Variants in WIPF1 observed in about 807,000 individuals in gnomAD.
WIPF1 encodes the protein WAS/WASL interacting protein family member 1.
In WIPF1, 13 loss-of-function variants were observed where a neutral mutation model predicts 35.4. The ratio of observed to expected loss-of-function variants is 0.37; its 90% CI spans 0.24 to 0.58. The LOEUF is 0.58. WIPF1 is among the 20% of genes least tolerant of loss of function. The pLI is 0.74. For missense variants in WIPF1, 591 were observed against 667.0 expected (o/e 0.89, Z 1.25); for synonymous variants, 267 against 266.3 (o/e 1.00, Z -0.02).
At chr2:174,569,730 C>T (rs767749267) in intron 5 of WIPF1, among the ~76,000 whole-genome samples, 2 of 152,148 alleles carry the variant, frequency 1.3e-5, no homozygotes, top group African/African-American at 2.4e-5. Flanking sequence ...CTTATAACAA[C>T]TCTGAGAGGT....
At chr2:174,591,673 T>TACACAC (rs71407131) in intron 1 of WIPF1, among the ~76,000 whole-genome samples, 41,629 of 146,570 alleles carry the variant, frequency 0.28, 5,978 homozygotes, top group Non-Finnish European at 0.34. Flanking sequence ...CTTTGTTGCT[T>TACACAC]ACACACACAC....
At chr2:174,573,203 G>T (rs767109212) in intron 4 of WIPF1, among the ~76,000 whole-genome samples, 2 of 151,286 alleles carry the variant, frequency 1.3e-5, no homozygotes, top group Non-Finnish European at 2.9e-5. Context: ...AGAAACTAAA[G>T]GGGGAACCAA....
rs1559145336 is a variant in WIPF1 at position 174,567,966 on chromosome 2, C to T, written c.1237G>A (p.Gly413Arg). 6.2e-7 allele frequency: 1 copy of T among 1,614,126 alleles called. No homozygotes were observed. The highest frequency in any genetic ancestry group is 1.3e-5 in the African/African-American group (1 of 75,044). The change falls in exon 6 of 8, where the codon GGA becomes AGA. Residue 413 changes from glycine to arginine, a missense_variant. This residue lies in a region of WIPF1 where 117 missense variants were observed against 149.6 expected (regional missense o/e 0.78). Coordinates refer to ENST00000679041, the MANE Select transcript of WIPF1 (RefSeq NM_001375834.1). The stretch of plus-strand genomic sequence containing the variant: ...TCAGGAGGAAGGGGAGGCCTGGGTC[C>T]ACTCCTGGGACTGTCTACTCCACTC... Reference protein sequence around the residue: ...SRSGVDSPRSGPRPPLPPDRP... With the variant: ...SRSGVDSPRSRPRPPLPPDRP...
At chr2:174,652,742 G>A (rs1239909786) in intron 1 of WIPF1, among the ~76,000 whole-genome samples, 2 of 151,566 alleles carry the variant, frequency 1.3e-5, no homozygotes, top group Non-Finnish European at 2.9e-5. Flanking sequence ...GAAGTACTGG[G>A]GACTGAAGTT....
intron 1 of WIPF1, among the ~76,000 whole-genome samples, chr2:174,656,457 A>T (rs189663428): frequency 1.2e-4 from 19 of 152,332 alleles, no homozygotes; most frequent in African/African-American, 4.6e-4. Flanking sequence ...AGAAAATAGC[A>T]ACAGAACTAA....
chr2:174,619,381 T>C (rs1202255494), intron 1 of WIPF1, among the ~76,000 whole-genome samples: 2 of 152,196 alleles, frequency 1.3e-5, no homozygotes, highest in African/African-American at 4.8e-5. Flanking sequence ...GAGGACGACG[T>C]TGCAGTGATT....
Position 174,565,622 on chromosome 2 carries a change from A to G in WIPF1, c.1456+1448T>C, listed in dbSNP as rs368205612. Among the ~76,000 whole-genome samples, 42 of 152,288 alleles carry G rather than the reference A, an allele frequency of 2.8e-4. 1 individual carries two copies. The South Asian group carries it at 8.3e-3, about 30-fold the overall frequency. On this transcript the variant is annotated intron_variant, in intron 7 of 7. Coordinates refer to ENST00000679041, the MANE Select transcript of WIPF1 (RefSeq NM_001375834.1). Reference sequence around the variant, plus strand: ...TAACTTTAGCTGTTATTAATCTCCTATAAGGTTTGGAACCAACCAACCAAA... The same window carrying G: ...TAACTTTAGCTGTTATTAATCTCCTGTAAGGTTTGGAACCAACCAACCAAA...
At chr2:174,644,774 A>T (rs1365328197) in intron 1 of WIPF1, among the ~76,000 whole-genome samples, 1 of 152,196 alleles carries the variant, frequency 6.6e-6, no homozygotes, top group African/African-American at 2.4e-5. Context: ...ATGTTGCTAG[A>T]CCTGCTGAAT....
intron 1 of WIPF1, among the ~76,000 whole-genome samples, chr2:174,615,225 A>C (rs1478702396): frequency 6.6e-6 from 1 of 152,206 alleles, no homozygotes; most frequent in Non-Finnish European, 1.5e-5. Flanking sequence ...AATAAAGTTG[A>C]TAAAAGGATG....
rs1042927935 is a variant in WIPF1, at chr2:174,562,249, G to A, written c.*298C>T. 446 of 1,541,236 alleles carry A rather than the reference G, an allele frequency of 2.9e-4. 1 individual carries two copies. The highest frequency in any genetic ancestry group is 7.3e-4 in the Admixed American group (37 of 50,758). ...AGCAGTGAATGTTTGAATTTGGTTG[G>A]TGGAAAGCTGGGATGCAAGTCATCT... is the stretch of plus-strand genomic sequence containing the variant. On this transcript the variant is annotated 3_prime_UTR_variant, in exon 8 of 8. Transcript: ENST00000679041.
chr2:174,671,420 T>C (rs989700290), intron 1 of WIPF1, among the ~76,000 whole-genome samples: 1 of 152,178 alleles, frequency 6.6e-6, no homozygotes, highest in Non-Finnish European at 1.5e-5. Flanking sequence ...CACCAATTGT[T>C]TGTAAAGCAT....
At chr2:174,566,952 T>G in intron 7 of WIPF1, 118 bp downstream of exon 7, 1 of 837,054 alleles carries the variant, frequency 1.2e-6, no homozygotes, top group Middle Eastern at 2.7e-4. Context: ...AGAATGTAGA[T>G]GGCTCCAAAG....
chr2:174,664,315 G>T (rs1687843272), intron 1 of WIPF1, among the ~76,000 whole-genome samples: 1 of 152,160 alleles, frequency 6.6e-6, no homozygotes, highest in Non-Finnish European at 1.5e-5. Flanking sequence ...CTCTGCACTG[G>T]GACCTGTGCC....
chr2:174,605,176 T>G (rs1686120739), intron 1 of WIPF1, among the ~76,000 whole-genome samples: 1 of 152,232 alleles, frequency 6.6e-6, no homozygotes, highest in East Asian at 1.9e-4. Flanking sequence ...GGCTCGCGCC[T>G]GTAATCCCAG....
chr2:174,652,063 G>A (rs1179049223), intron 1 of WIPF1, among the ~76,000 whole-genome samples: 2 of 152,178 alleles, frequency 1.3e-5, no homozygotes, highest in East Asian at 3.8e-4. Context: ...CTCAAGTCTC[G>A]AAATGCAAGT....
intron 1 of WIPF1, among the ~76,000 whole-genome samples, chr2:174,591,196 A>G (rs1685592934): frequency 1.3e-5 from 2 of 152,152 alleles, no homozygotes; most frequent in Admixed American, 1.3e-4. Flanking sequence ...GAACACACCA[A>G]ACCTGCCCAC....
chr2:174,607,373 A>C (rs1686203331), intron 1 of WIPF1, among the ~76,000 whole-genome samples: 1 of 152,158 alleles, frequency 6.6e-6, no homozygotes, highest in Non-Finnish European at 1.5e-5. Context: ...ACTGCACTCC[A>C]ACCTGGGCAA....
intron 1 of WIPF1, among the ~76,000 whole-genome samples, chr2:174,608,400 A>T (rs1020673381): frequency 6.6e-6 from 1 of 152,236 alleles, no homozygotes; most frequent in Non-Finnish European, 1.5e-5. Context: ...AAAAACCAAG[A>T]AACAAAAAGC....
Position 174,585,454 on chromosome 2 carries a change from T to C in WIPF1, c.51+69A>G, listed in dbSNP as rs911882270. On this transcript the variant is annotated intron_variant, in intron 2 of 7. Coordinates refer to ENST00000679041, the MANE Select transcript of WIPF1 (RefSeq NM_001375834.1). ...TGCAAACACATTTAATACAAACACATGCACGCCAGGTTTTGGCTTCATTTG... is the reference window on the plus strand; with the variant it reads ...TGCAAACACATTTAATACAAACACACGCACGCCAGGTTTTGGCTTCATTTG... 52 of 1,456,066 alleles carry C rather than the reference T, an allele frequency of 3.6e-5. No homozygotes were observed. In the African/African-American group the frequency reaches 6.3e-4, roughly 18 times the overall value. 90.2% of individuals were successfully genotyped at this position (1,456,066 alleles called of 1,614,324 possible). A position where few individuals can be genotyped will look rare whatever the true frequency, so the allele number is the denominator to read the frequency against.
Sources: gnomAD v4.1 joint callset for allele counts (sites outside exome capture counted in the v4.1 genomes callset) on GRCh38, gnomAD v4.1.1 for gene constraint, gnomAD v4.1.1 regional missense constraint, MANE v1.5 for transcripts, NCBI Gene and HGNC (gene_info 2026-07-23, HGNC 2026-07-21) for gene names.